Variants in MYL4 observed in about 807,000 individuals in gnomAD.
MYL4 encodes atrial myosin light chain 1.
MYL4 carries 16 observed loss-of-function variants against 21.6 expected under a neutral mutation model. That is an observed-to-expected ratio of 0.74 (90% CI 0.50 to 1.12). MYL4 has a LOEUF of 1.12. MYL4 is among the 50% of genes most tolerant of loss of function. The pLI, the probability that MYL4 is intolerant of heterozygous loss-of-function variation, is 0.00. For missense variants in MYL4, 249 were observed against 252.9 expected (o/e 0.98, Z 0.11); for synonymous variants, 82 against 95.7 (o/e 0.86, Z 0.83).
At chr17:47,210,227 C>T (rs962632748) in intron 1 of MYL4, among the ~76,000 whole-genome samples, 1 of 152,184 alleles carries the variant, frequency 6.6e-6, no homozygotes, top group Non-Finnish European at 1.5e-5. Flanking sequence ...TCTCTCCAAC[C>T]GGGTCAGGAA....
chr17:47,209,715 G>T (rs773493607), intron 1 of MYL4, 158 bp downstream of exon 1: 2 of 1,084,032 alleles, frequency 1.8e-6, no homozygotes, highest in Admixed American at 3.7e-5. Flanking sequence ...AGTGGGTGTT[G>T]GGGCTGATGA....
chr17:47,209,754 G>A lies in MYL4; in HGVS notation c.135+197G>A, dbSNP rs73329106. The A allele has an allele frequency of 5.1e-3, 3,851 of 755,278 alleles. 106 individuals carry two copies. In the African/African-American group the frequency reaches 0.06, roughly 12 times the overall value. The allele number at this position is 755,278 out of a possible 1,614,324, so 46.8% of individuals were successfully genotyped here. A position where few individuals can be genotyped will look rare whatever the true frequency, so the allele number is the denominator to read the frequency against. ...GGAGATTGAGTCATAAACCTTTTCC[G>A]TCAAGAATGAGGTGCTGCTTTGAGG... On this transcript the variant is annotated intron_variant, in intron 1 of 6. Transcript: ENST00000393450.
chr17:47,209,861 A>T (rs1744057625), intron 1 of MYL4, among the ~76,000 whole-genome samples: 1 of 152,162 alleles, frequency 6.6e-6, no homozygotes, highest in Non-Finnish European at 1.5e-5. Context: ...CCACCCTTTT[A>T]TAAGGCATTA....
At chr17:47,193,660 T>A in the MYL4 span, among the ~76,000 whole-genome samples, 1 of 152,204 alleles carries the variant, frequency 6.6e-6, no homozygotes, top group Non-Finnish European at 1.5e-5. Context: ...TAGGCCTTCT[T>A]CTCACCCACC....
At chr17:47,205,515 G>A (rs907531633), upstream of MYL4, among the ~76,000 whole-genome samples, 5 of 152,322 alleles carry the variant, frequency 3.3e-5, no homozygotes, top group South Asian at 4.1e-4. Flanking sequence ...GAAGCGTGGC[G>A]TCATGAATTT....
At chr17:47,199,670 GTC>G (rs1209005006), upstream of MYL4, among the ~76,000 whole-genome samples, 1 of 86,548 alleles carries the variant, frequency 1.2e-5, no homozygotes, top group Non-Finnish European at 2.2e-5. Context: ...TGGAGACCCT[GTC>G]TCAAAAAAAA....
intron 1 of MYL4, among the ~76,000 whole-genome samples, chr17:47,213,523 T>G (rs1304252813): frequency 6.6e-6 from 1 of 152,250 alleles, no homozygotes; most frequent in Non-Finnish European, 1.5e-5. Context: ...TATTTTATTT[T>G]CGTGTGGTTA....
At chr17:47,211,342 A>G (rs2064773725) in intron 1 of MYL4, among the ~76,000 whole-genome samples, 1 of 152,016 alleles carries the variant, frequency 6.6e-6, no homozygotes, top group South Asian at 2.1e-4. Context: ...GAGGCCAGGC[A>G]TTTGAGTCCA....
At chr17:47,225,995 A>T (rs1351639843), downstream of MYL4, among the ~76,000 whole-genome samples, 1 of 151,428 alleles carries the variant, frequency 6.6e-6, no homozygotes, top group Non-Finnish European at 1.5e-5. Flanking sequence ...TATACATAGT[A>T]CCTGATAGGT....
intron 1 of MYL4, among the ~76,000 whole-genome samples, chr17:47,203,755 G>T (rs1233223726): frequency 6.6e-6 from 1 of 152,146 alleles, no homozygotes; most frequent in African/African-American, 2.4e-5. Flanking sequence ...CATACAGGTT[G>T]TTCTGTCCAA....
intron 3 of MYL4, among the ~76,000 whole-genome samples, chr17:47,220,929 T>C (rs1326821001): frequency 6.6e-6 from 1 of 152,106 alleles, no homozygotes; most frequent in African/African-American, 2.4e-5. Flanking sequence ...ATCCCTTGGT[T>C]CTGGCCCGTC....
intron 1 of MYL4, among the ~76,000 whole-genome samples, chr17:47,201,185 A>G (rs73316005): frequency 0.016 from 2,461 of 152,232 alleles, 51 homozygotes; most frequent in African/African-American, 0.056. Flanking sequence ...TAAATAAGTA[A>G]AAAATAAAGT....
rs934835262 is a variant in MYL4 at position 47,219,884 on chromosome 17, G to A, written c.164-20G>A. 1.1e-5 allele frequency: 18 copies of A among 1,614,228 alleles called. No homozygotes were observed. The highest frequency in any genetic ancestry group is 1.6e-4 in the Middle Eastern group (1 of 6,062). On this transcript the variant is annotated intron_variant, in intron 2 of 6. Coordinates refer to ENST00000393450, the MANE Select transcript of MYL4 (RefSeq NM_002476.2). ...CCTTCACTGGGGATTGGAAGGTATAGCTGGGTCTTCTCTCCACAGAGTTCA... is the reference window on the plus strand; with the variant it reads ...CCTTCACTGGGGATTGGAAGGTATAACTGGGTCTTCTCTCCACAGAGTTCA...
chr17:47,211,010 G>A (rs1184015859), intron 1 of MYL4, among the ~76,000 whole-genome samples: 1 of 151,984 alleles, frequency 6.6e-6, no homozygotes, highest in Non-Finnish European at 1.5e-5. Flanking sequence ...CAGCTGCCTA[G>A]TGGCATCAAA....
upstream of MYL4, among the ~76,000 whole-genome samples, chr17:47,198,257 C>T (rs1465444053): frequency 3.3e-5 from 5 of 152,124 alleles, no homozygotes; most frequent in Non-Finnish European, 7.3e-5. Context: ...ATATTCTTAT[C>T]CAATTCCTTG....
chr17:47,195,052 CTTTTTTTTTTT>C, the MYL4 span, among the ~76,000 whole-genome samples: 1 of 113,934 alleles, frequency 8.8e-6, no homozygotes, highest in African/African-American at 3.4e-5. Context: ...CTTCATGGAA[CTTTTTTTTTTT>C]TTTTTTTTTT....
chr17:47,222,882 G>A, intron 5 of MYL4, 132 bp from the exon 6 acceptor site: 1 of 1,131,654 alleles, frequency 8.8e-7, no homozygotes. Flanking sequence ...CCCCAAATAA[G>A]AGCAGGAACT....
upstream of MYL4, among the ~76,000 whole-genome samples, chr17:47,198,384 G>A (rs145034968): frequency 2.6e-4 from 39 of 151,912 alleles, no homozygotes; most frequent in African/African-American, 9.4e-4. Flanking sequence ...CAGAAGTGAC[G>A]TATATACCTG....
intron 2 of MYL4, among the ~76,000 whole-genome samples, chr17:47,218,300 C>T (rs116591555): frequency 0.016 from 2,368 of 152,244 alleles, 52 homozygotes; most frequent in African/African-American, 0.054. Context: ...ATAATCCATA[C>T]GCAGCCTCGA....
Sources: gnomAD v4.1 joint callset for allele counts (sites outside exome capture counted in the v4.1 genomes callset) on GRCh38, gnomAD v4.1.1 for gene constraint, MANE v1.5 for transcripts, NCBI Gene and HGNC (gene_info 2026-07-23, HGNC 2026-07-21) for gene names.